DUOX2: variants seen among roughly 807,000 people sequenced by gnomAD.
DUOX2 encodes NADH/NADPH thyroid oxidase p138-tox.
In DUOX2, 185 loss-of-function variants were observed where a neutral mutation model predicts 183.3. That is an observed-to-expected ratio of 1.01 (90% confidence interval 0.90 to 1.14). DUOX2 has a LOEUF of 1.14. Among genes scored for constraint, DUOX2 ranks in the 50% most tolerant of loss-of-function variants. DUOX2 has a pLI of 0.00. For missense variants in DUOX2, 1,999 were observed against 2,022.9 expected (o/e 0.99, Z 0.23); for synonymous variants, 788 against 812.4 (o/e 0.97, Z 0.51).
Position 45,100,785 on chromosome 15 carries a change from C to G in DUOX2, c.2975G>C (p.Gly992Ala), listed in dbSNP as rs1894058722. 1 of 1,613,936 alleles carries G rather than the reference C, an allele frequency of 6.2e-7. No homozygotes were observed. The highest frequency in any genetic ancestry group is 8.5e-7 in the Non-Finnish European group (1 of 1,179,976). ...GCCAAACCTCTTCTTCAGTCCAGGG[C>G]CTCCCAGCTCTGGGGCTTCTGGGGC... is the stretch of plus-strand genomic sequence containing the variant. Reference protein sequence around the residue: ...PPAPEAPELGGPGLKKRFGKK... With the variant: ...PPAPEAPELGAPGLKKRFGKK... The change falls in exon 23 of 34, where the codon GGC becomes GCC. Residue 992 changes from glycine (G) to alanine (A), a missense_variant. Coordinates refer to ENST00000389039, the MANE Select transcript of DUOX2 (RefSeq NM_001363711.2).
At chr15:45,097,103 T>A in intron 29 of DUOX2, 135 bp downstream of exon 29, 1 of 1,306,538 alleles carries the variant, frequency 7.7e-7, no homozygotes, top group South Asian at 1.2e-5. Context: ...CCCCCGAGAG[T>A]GGTTTTTTGT....
Position 45,100,800 on chromosome 15 carries a change from G to T in DUOX2, c.2960C>A (p.Ala987Asp), listed in dbSNP as rs778481365. Reference sequence around the variant, plus strand: ...CAGTCCAGGGCCTCCCAGCTCTGGGGCTTCTGGGGCAGGGGGCCCCAGTCC... The same window carrying T: ...CAGTCCAGGGCCTCCCAGCTCTGGGTCTTCTGGGGCAGGGGGCCCCAGTCC... Reference protein sequence around the residue: ...PQGLGPPAPEAPELGGPGLKK... With the variant: ...PQGLGPPAPEDPELGGPGLKK... The change falls in exon 23 of 34, where the codon GCC becomes GAC. Residue 987 changes from alanine to aspartate, a missense_variant. By Grantham distance (126) the Ala-to-Asp change is moderately radical. This residue lies in a region of DUOX2 where 1,628 missense variants were observed against 1,608.6 expected (regional missense o/e 1.01). Coordinates refer to ENST00000389039, the MANE Select transcript of DUOX2 (RefSeq NM_001363711.2). 4 of 1,613,920 alleles carry T rather than the reference G, an allele frequency of 2.5e-6. No homozygotes were observed. The African/African-American group carries it at 5.3e-5, about 22-fold the overall frequency.
In DUOX2 at chr15:45,112,596, G is replaced by A. The variant is rs1894465928; in HGVS notation, c.283C>T (p.Leu95=). ...ACGGTGCGGTTGTGGAGCGACGGCA[G>A]GCCGGCTATGCCCCGCGTGGCTGCG... The part of the protein sequence containing the change: ...SNAATRGIAG[L]PSLHNRTVLG... The change falls in exon 4 of 34, where the codon CTG becomes TTG. Residue 95 remains leucine (L), a synonymous_variant. Coordinates refer to ENST00000389039, the MANE Select transcript of DUOX2 (RefSeq NM_001363711.2). 1 of 1,612,934 alleles carries A rather than the reference G, an allele frequency of 6.2e-7. No homozygotes were observed. The highest frequency in any genetic ancestry group is 1.3e-5 in the African/African-American group (1 of 74,930).
rs1256514431 is a variant in DUOX2, at chr15:45,110,663, G to A, written c.930C>T (p.Leu310=). 3 of 1,612,872 alleles carry A rather than the reference G, an allele frequency of 1.9e-6. No individual in the cohort carries two copies. The highest frequency in any genetic ancestry group is 1.1e-5 in the South Asian group (1 of 91,026). ...EWLPSFLQKT[L]PEYTGYRPFL... is the part of the protein sequence containing the mutation. The stretch of plus-strand genomic sequence containing the variant: ...CCGCTCCCTCACCTGTATACTCCGG[G>A]AGTGTTTTCTGCAGGAAGCTGGGCA... The change falls in exon 8 of 34, where the codon CTC becomes CTT. Residue 310 remains leucine, a synonymous_variant. Transcript: ENST00000389039.
Position 45,109,976 on chromosome 15 carries a change from C to T in DUOX2, c.1045G>A (p.Ala349Thr), listed in dbSNP as rs1228860928. Residue 349 changes from alanine to threonine, a missense_variant, in exon 10 of 34, where the codon GCC becomes ACC. Physicochemically the swap from Ala to Thr is moderately conservative, Grantham distance 58 (BLOSUM62 0). This residue lies in a region of DUOX2 where 1,628 missense variants were observed against 1,608.6 expected (regional missense o/e 1.01). Coordinates refer to ENST00000389039, the MANE Select transcript of DUOX2 (RefSeq NM_001363711.2). ...AGGACCTTCCGGAAATGACAGCTGG[C>T]ATTTCTGAAATTGAGAACAAAGGAT... is the stretch of plus-strand genomic sequence containing the variant. ...MVPPGVYMRN[A>T]SCHFRKVLNK... 6.2e-7 allele frequency: 1 copy of T among 1,614,042 alleles called. No homozygotes were observed. Among genetic ancestry groups the T allele is most frequent in the South Asian group, 1.1e-5 (1 of 91,088 alleles).
At chr15:45,107,518 C>T (rs1343288670) in intron 13 of DUOX2, 55 bp from the exon 14 acceptor site, 2 of 1,579,812 alleles carry the variant, frequency 1.3e-6, no homozygotes, top group African/African-American at 2.7e-5. Flanking sequence ...AGGCCTCCAG[C>T]AACCCCAGGC....
intron 20 of DUOX2, among the ~76,000 whole-genome samples, chr15:45,103,659 A>G (rs907374152): frequency 5.9e-5 from 9 of 152,136 alleles, no homozygotes; most frequent in Admixed American, 5.9e-4. Context: ...AAGGGCATCC[A>G]AAAGGGATTA....
At position 45,110,363 on chromosome 15, in the gene DUOX2, C is replaced by T. The variant is rs1894346479; in HGVS notation, c.1040+65G>A. 7.4e-6 allele frequency: 11 copies of T among 1,483,614 alleles called. No homozygotes were observed. The Admixed American group carries it at 2.2e-4, about 29-fold the overall frequency. The allele number at this position is 1,483,614 out of a possible 1,614,324, so 91.9% of individuals were successfully genotyped here. A position where few individuals can be genotyped will look rare whatever the true frequency, so the allele number is the denominator to read the frequency against. The stretch of plus-strand genomic sequence containing the variant: ...GCGAAGGAGTGTGAAAGGCCCCAGC[C>T]CCCAAGGCAGCTCATTCTGCACCTT... On this transcript the variant is annotated intron_variant, in intron 9 of 33. Transcript: ENST00000389039.
Position 45,099,850 on chromosome 15 carries a change from G to A in DUOX2, c.3227C>T (p.Thr1076Ile), listed in dbSNP as rs755239447. The stretch of plus-strand genomic sequence containing the variant: ...TCGTGACAGGATGATGCCCACGAGG[G>A]TGGTCTGTGCAATGTCCGAGGGTGG... The part of the protein sequence containing the change: ...ASPPSDIAQT[T>I]LVGIILSRGT... Residue 1076 changes from threonine to isoleucine, a missense_variant, in exon 25 of 34, where the codon ACC becomes ATC. By Grantham distance (89) the Thr-to-Ile change is moderately conservative. Around this residue, in one of 3 missense-constraint regions of DUOX2, gnomAD observed 1,628 missense variants for 1,608.6 expected, o/e 1.01. Transcript: ENST00000389039. The A allele has an allele frequency of 6.2e-7, 1 of 1,614,220 alleles. No homozygotes were observed. The highest frequency in any genetic ancestry group is 8.5e-7 in the Non-Finnish European group (1 of 1,180,040).
At chr15:45,099,619 C>T (rs1956571810) in intron 25 of DUOX2, 43 bp downstream of exon 25, 2 of 1,610,146 alleles carry the variant, frequency 1.2e-6, no homozygotes, top group African/African-American at 1.3e-5. Flanking sequence ...CAACTAGACC[C>T]AGGGTGCTGC....
chr15:45,103,879 G>A (rs1406944285), intron 20 of DUOX2, 81 bp downstream of exon 20: 14 of 1,462,312 alleles, frequency 9.6e-6, no homozygotes, highest in Non-Finnish European at 1.2e-5. Flanking sequence ...GAGCCTCTTT[G>A]CCAGCCCTCC....
rs1218359786 is a variant in DUOX2, at chr15:45,109,779, T to A, written c.1131+111A>T. 6 of 1,328,924 alleles carry A rather than the reference T, an allele frequency of 4.5e-6. No homozygotes were observed. In the African/African-American group the frequency reaches 7.2e-5, roughly 16 times the overall value. 82.3% of individuals were successfully genotyped at this position (1,328,924 alleles called of 1,614,324 possible). A position where few individuals can be genotyped will look rare whatever the true frequency, so the allele number is the denominator to read the frequency against. On this transcript the variant is annotated intron_variant, in intron 10 of 33. Transcript: ENST00000389039. ...CGGATAATTTCCTCTACCCTTCATC[T>A]CCCATGAACCTGGGGCAGCAACACT...
chr15:45,110,447 G>A lies in DUOX2; in HGVS notation c.1021C>T (p.Pro341Ser), dbSNP rs780614078. 6.2e-7 allele frequency: 1 copy of A among 1,613,976 alleles called. No homozygotes were observed. The highest frequency in any genetic ancestry group is 8.5e-7 in the Non-Finnish European group (1 of 1,179,942). Residue 341 changes from proline to serine, a missense_variant, in exon 9 of 34, where the codon CCC becomes TCC. Physicochemically the swap from Pro to Ser is moderately conservative, Grantham distance 74. Transcript: ENST00000389039. ...CCTCACCTCATGTAGACACCAGGGG[G>A]CACCATGGTAGAGAAGAACTGCTCA... The part of the protein sequence containing the change: ...ASEQFFSTMV[P>S]PGVYMRNASC...
rs374542623 is a variant in DUOX2 at position 45,095,013 on chromosome 15, C to A, written c.4318G>T (p.Asp1440Tyr). 6.2e-6 allele frequency: 10 copies of A among 1,614,172 alleles called. No individual in the cohort carries two copies. The East Asian group carries it at 2.2e-4, about 36-fold the overall frequency. The change falls in exon 32 of 34, where the codon GAC (aspartate) becomes TAC (tyrosine). Residue 1440 changes from aspartate (D) to tyrosine (Y), a missense_variant. By Grantham distance (160) the Asp-to-Tyr change is radical. Coordinates refer to ENST00000389039, the MANE Select transcript of DUOX2 (RefSeq NM_001363711.2). ...ADIIQEVEEN[D>Y]HQDLVSVHIY... ...TGCACAGACACCAGGTCCTGGTGGTCGTTCTCCTCCACCTCTTGGATGATG... is the reference window on the plus strand; with the variant it reads ...TGCACAGACACCAGGTCCTGGTGGTAGTTCTCCTCCACCTCTTGGATGATG...
rs1055553908 is a variant in DUOX2 at position 45,093,266 on chromosome 15, A to G, written c.*884T>C. 2.6e-5 allele frequency: 4 copies of G among 152,134 alleles called. No homozygotes were observed. The highest frequency in any genetic ancestry group is 9.7e-5 in the African/African-American group (4 of 41,374). The allele number at this position is 152,134 out of a possible 1,614,324, so 9.4% of individuals were successfully genotyped here. A position where few individuals can be genotyped will look rare whatever the true frequency, so the allele number is the denominator to read the frequency against. Reference sequence around the variant, plus strand: ...GCAAACTAGGACAGCTGGTCACCCAACTCTTGTGGAAGAGGGGAATTGAGA... The same window carrying G: ...GCAAACTAGGACAGCTGGTCACCCAGCTCTTGTGGAAGAGGGGAATTGAGA... On this transcript the variant is annotated 3_prime_UTR_variant, in exon 34 of 34. Transcript: ENST00000389039.
chr15:45,110,802 G>A (rs1400440498), intron 7 of DUOX2, 92 bp from the exon 8 acceptor site: 28 of 1,591,418 alleles, frequency 1.8e-5, no homozygotes, highest in African/African-American at 2.7e-5. Context: ...GTGTGGAGAT[G>A]AGACCAGGAA....
intron 29 of DUOX2, among the ~76,000 whole-genome samples, chr15:45,096,498 G>A (rs780695918): frequency 2.3e-4 from 35 of 151,978 alleles, no homozygotes; most frequent in Non-Finnish European, 3.7e-4. Context: ...ATCTTGGCAG[G>A]GAACTTTATT....
chr15:45,110,503 G>A lies in DUOX2; in HGVS notation c.965C>T (p.Pro322Leu), dbSNP rs148754510. 1.1e-5 allele frequency: 18 copies of A among 1,614,136 alleles called. No homozygotes were observed. The African/African-American group carries it at 2.0e-4, about 18-fold the overall frequency. Residue 322 changes from proline (P) to leucine (L), a missense_variant, in exon 9 of 34, where the codon CCC becomes CTC. Coordinates refer to ENST00000389039, the MANE Select transcript of DUOX2 (RefSeq NM_001363711.2). Reference sequence around the variant, plus strand: ...CACCACAAATTCCGGGGAGATGCTGGGGTCTAGGAAAGGACGGTATCCTGC... The same window carrying A: ...CACCACAAATTCCGGGGAGATGCTGAGGTCTAGGAAAGGACGGTATCCTGC... ...EYTGYRPFLDPSISPEFVVAS... is the reference protein window; with the variant it reads ...EYTGYRPFLDLSISPEFVVAS...
chr15:45,108,192 G>A lies in DUOX2; in HGVS notation c.1429C>T (p.Gln477Ter). Residue 477 changes from glutamine (Q) to a stop codon, truncating the protein, a stop_gained, in exon 13 of 34, where the codon CAG (glutamine) becomes TAG (stop). Transcript: ENST00000389039. LOFTEE classifies it high-confidence loss of function. ...AGCAGCTCTAGCTGGGATAGGTCCT[G>A]GTTGTACAGGGCAGCTGTGGCCTCC... The part of the protein sequence containing the change: ...VLEATAALYN[Q>*]DLSQLELLLG... The A allele has an allele frequency of 1.2e-6, 2 of 1,614,192 alleles. No homozygotes were observed. Among genetic ancestry groups the A allele is most frequent in the Admixed American group, 1.7e-5 (1 of 60,036 alleles).
Sources: gnomAD v4.1 joint callset for allele counts (sites outside exome capture counted in the v4.1 genomes callset) on GRCh38, gnomAD v4.1.1 for gene constraint, gnomAD v4.1.1 regional missense constraint, MANE v1.5 for transcripts, NCBI Gene and HGNC (gene_info 2026-07-23, HGNC 2026-07-21) for gene names.